HDAC9: variants seen among roughly 807,000 people sequenced by gnomAD.
The protein encoded by HDAC9 is MEF-2 interacting transcription repressor (MITR) protein.
HDAC9 carries 41 observed loss-of-function variants against 139.4 expected under a neutral mutation model. The observed-to-expected ratio is 0.29, with a 90% CI of 0.23 to 0.38. HDAC9 has a LOEUF of 0.38. Among genes scored for constraint, HDAC9 ranks in the 10% least tolerant of loss-of-function variants. HDAC9 has a pLI of 1.00. For missense variants in HDAC9, 1,147 were observed against 1,297.0 expected (o/e 0.88, Z 1.78); for synonymous variants, 517 against 476.2 (o/e 1.09, Z -1.12).
At chr7:18,988,369 G>T (rs190664820) in intron 25 of HDAC9, among the ~76,000 whole-genome samples, 1 of 151,772 alleles carries the variant, frequency 6.6e-6, no homozygotes, top group Non-Finnish European at 1.5e-5. Flanking sequence ...GTAGTTGAGC[G>T]GTTTTGAGTG....
chr7:18,595,034 T>C (rs1489274040), intron 6 of HDAC9, among the ~76,000 whole-genome samples: 1 of 152,110 alleles, frequency 6.6e-6, no homozygotes, highest in Non-Finnish European at 1.5e-5. Flanking sequence ...TGAATATAGA[T>C]TGTAAAAACA....
chr7:18,635,214 G>A (rs923293257), intron 8 of HDAC9, among the ~76,000 whole-genome samples: 9 of 151,750 alleles, frequency 5.9e-5, no homozygotes, highest in East Asian at 2.0e-4. Flanking sequence ...AAAACAACTC[G>A]TACAGGCCTC....
intron 2 of HDAC9, among the ~76,000 whole-genome samples, chr7:18,233,046 G>A (rs571136772): frequency 2.0e-5 from 3 of 152,144 alleles, no homozygotes; most frequent in Non-Finnish European, 2.9e-5. Context: ...CTGAAAAATT[G>A]TTGCCCCCAA....
chr7:18,866,755 T>C (rs1798530491), intron 21 of HDAC9, among the ~76,000 whole-genome samples: 2 of 152,206 alleles, frequency 1.3e-5, no homozygotes, highest in African/African-American at 4.8e-5. Context: ...TCTGGTCCTA[T>C]GGGAGTTCCC....
chr7:18,683,285 G>GA (rs151028326), intron 12 of HDAC9, among the ~76,000 whole-genome samples: 11,366 of 151,688 alleles, frequency 0.075, 1,014 homozygotes, highest in African/African-American at 0.21. Flanking sequence ...AATTCTAAAT[G>GA]AAAAAAATAA....
intron 1 of HDAC9, among the ~76,000 whole-genome samples, chr7:18,108,011 CTGTT>C (rs1783342804): frequency 1.3e-5 from 2 of 152,230 alleles, no homozygotes; most frequent in Admixed American, 1.3e-4. Flanking sequence ...ATTCAGTAAA[CTGTT>C]TGTATTAAGC....
At chr7:18,916,518 A>G (rs1009105560) in intron 22 of HDAC9, among the ~76,000 whole-genome samples, 1 of 151,932 alleles carries the variant, frequency 6.6e-6, no homozygotes, top group African/African-American at 2.4e-5. Flanking sequence ...GAGAGAAACT[A>G]TTGAAACTTC....
In HDAC9 at chr7:18,424,465, G is replaced by T. The variant is rs1051986125; in HGVS notation, c.-41-71797G>T. ...TATACTGGAGGGCTCATTTTTCACA[G>T]TTCTTTATTTTTACTTTATATAATG... is the stretch of plus-strand genomic sequence containing the variant. On this transcript the variant is annotated intron_variant, in intron 1 of 3. Transcript: ENST00000413509. Among the ~76,000 whole-genome samples, 4 of 152,136 alleles carry T rather than the reference G, an allele frequency of 2.6e-5. No homozygotes were observed. In the East Asian group the frequency reaches 7.7e-4, roughly 29 times the overall value.
chr7:18,463,833 A>T (rs890046800), intron 1 of HDAC9, among the ~76,000 whole-genome samples: 1 of 151,872 alleles, frequency 6.6e-6, no homozygotes, highest in South Asian at 2.1e-4. Context: ...TTGACTTATG[A>T]GTGTAATACT....
intron 1 of HDAC9, among the ~76,000 whole-genome samples, chr7:18,307,837 G>A (rs900236968): frequency 1.9e-4 from 29 of 151,990 alleles, no homozygotes; most frequent in Admixed American, 5.2e-4. Flanking sequence ...GAAAAAAATC[G>A]TAATTATTAT....
intron 16 of HDAC9, among the ~76,000 whole-genome samples, chr7:18,786,497 C>CCTTCCTTCATTCCTTCCTT (rs1791757152): frequency 1.9e-5 from 2 of 105,218 alleles, no homozygotes; most frequent in African/African-American, 6.7e-5. Context: ...TTCCTTCCTT[C>CCTTCCTTCATTCCTTCCTT]CTTCCTTCCT....
chr7:18,941,684 A>C (rs1450290282), intron 23 of HDAC9, among the ~76,000 whole-genome samples: 1 of 152,136 alleles, frequency 6.6e-6, no homozygotes, highest in Non-Finnish European at 1.5e-5. Context: ...ATGTCAGAAT[A>C]GTGTTTTTCT....
At chr7:18,410,270 A>G (rs1052438116) in intron 1 of HDAC9, among the ~76,000 whole-genome samples, 14 of 152,132 alleles carry the variant, frequency 9.2e-5, no homozygotes, top group Non-Finnish European at 1.6e-4. Flanking sequence ...GGGCCAGGGG[A>G]TGGAGAGACT....
chr7:18,477,281 G>C (rs762780352), intron 1 of HDAC9, among the ~76,000 whole-genome samples: 20 of 152,068 alleles, frequency 1.3e-4, no homozygotes, highest in Non-Finnish European at 2.8e-4. Flanking sequence ...TGAATATTAG[G>C]ACAATAATAA....
chr7:18,130,214 C>T (rs372092618), intron 1 of HDAC9, among the ~76,000 whole-genome samples: 3 of 152,054 alleles, frequency 2.0e-5, no homozygotes, highest in Non-Finnish European at 2.9e-5. Context: ...AGCATCATGT[C>T]GGTGCTCAAA....
At chr7:18,146,084 A>G (rs1786299523) in intron 1 of HDAC9, among the ~76,000 whole-genome samples, 1 of 152,220 alleles carries the variant, frequency 6.6e-6, no homozygotes, top group Admixed American at 6.5e-5. Context: ...GATCAAGAAA[A>G]GGAAATGTCT....
At chr7:18,922,873 T>G (rs1255530342) in intron 22 of HDAC9, among the ~76,000 whole-genome samples, 1 of 152,102 alleles carries the variant, frequency 6.6e-6, no homozygotes, top group Non-Finnish European at 1.5e-5. Context: ...AGTTAACATT[T>G]TTATGGTAAT....
intron 23 of HDAC9, among the ~76,000 whole-genome samples, chr7:18,946,471 T>C (rs1245180045): frequency 6.6e-6 from 1 of 152,112 alleles, no homozygotes; most frequent in East Asian, 1.9e-4. Flanking sequence ...TGAAAAAAAA[T>C]TTATCCACAA....
At chr7:18,234,591 A>G (rs936254766) in intron 2 of HDAC9, among the ~76,000 whole-genome samples, 2 of 152,214 alleles carry the variant, frequency 1.3e-5, no homozygotes, top group Non-Finnish European at 2.9e-5. Context: ...GAGGCATAGC[A>G]TTTGACCAAC....
Sources: gnomAD v4.1 joint callset for allele counts (sites outside exome capture counted in the v4.1 genomes callset) on GRCh38, gnomAD v4.1.1 for gene constraint, MANE v1.5 for transcripts, NCBI Gene and HGNC (gene_info 2026-07-23, HGNC 2026-07-21) for gene names.